Variants in FAM24B observed in about 807,000 individuals in gnomAD.
FAM24B encodes family with sequence similarity 24 member B.
Under a neutral mutation model 2.3 loss-of-function variants are expected in FAM24B, and 3 were observed. The ratio of observed to expected loss-of-function variants is 1.29; its 90% CI spans 0.59 to 3.32. The LOEUF is 3.32. Ranked by LOEUF, FAM24B falls within the 30% of genes most tolerant of loss-of-function variation. The probability of loss-of-function intolerance (pLI) is 0.03; values close to 1 mark genes in which losing one functional copy is unlikely to be tolerated. For missense variants in FAM24B, 98 were observed against 117.2 expected (o/e 0.84, Z 0.76); for synonymous variants, 36 against 46.3 (o/e 0.78, Z 0.90).
At chr10:122,874,579 CCTT>C (rs1188394579) in intron 1 of FAM24B, among the ~76,000 whole-genome samples, 1 of 152,034 alleles carries the variant, frequency 6.6e-6, no homozygotes, top group Non-Finnish European at 1.5e-5. Context: ...CACTCCAGTC[CCTT>C]CTTGCTTGGT....
chr10:122,859,423 A>T (rs374884352), intron 1 of FAM24B, among the ~76,000 whole-genome samples: 1 of 152,174 alleles, frequency 6.6e-6, no homozygotes, highest in Admixed American at 6.5e-5. Flanking sequence ...CAGAGAAGAG[A>T]AGATGGTGAG....
intron 1 of FAM24B, among the ~76,000 whole-genome samples, chr10:122,878,476 G>A (rs958717926): frequency 3.4e-5 from 5 of 148,318 alleles, no homozygotes; most frequent in African/African-American, 5.0e-5. Flanking sequence ...GAAGTTGCAG[G>A]AGCCGAGATC....
intron 1 of FAM24B, among the ~76,000 whole-genome samples, chr10:122,876,999 C>A (rs750469056): frequency 2.0e-5 from 3 of 152,090 alleles, no homozygotes; most frequent in Non-Finnish European, 4.4e-5. Flanking sequence ...CTAAATTCTA[C>A]AAGTTATATA....
intron 1 of FAM24B, among the ~76,000 whole-genome samples, chr10:122,858,259 T>A (rs1336135965): frequency 6.6e-6 from 1 of 152,116 alleles, no homozygotes; most frequent in Non-Finnish European, 1.5e-5. Context: ...TGTAGGGACA[T>A]GGATGAAGCT....
At chr10:122,857,046 A>C (rs895231277) in intron 1 of FAM24B, among the ~76,000 whole-genome samples, 6 of 152,204 alleles carry the variant, frequency 3.9e-5, no homozygotes, top group Non-Finnish European at 7.3e-5. Flanking sequence ...AATGGCCCAA[A>C]GCCACTCTCA....
rs932821247 is a variant in FAM24B at position 122,863,567 on chromosome 10, A to C, written c.-177-7781T>G. Among the ~76,000 whole-genome samples the C allele has an allele frequency of 3.3e-5, 5 of 152,212 alleles. No individual in the cohort carries two copies. The East Asian group carries it at 9.6e-4, about 29-fold the overall frequency. On this transcript the variant is annotated intron_variant, in intron 1 of 3. Coordinates refer to ENST00000368898, the MANE Select transcript of FAM24B (RefSeq NM_152644.3). ...TTTATTTTTAAATTGAGTAGATAGGACAGAATTCCCATATGTCCCTCTCCC... is the reference window on the plus strand; with the variant it reads ...TTTATTTTTAAATTGAGTAGATAGGCCAGAATTCCCATATGTCCCTCTCCC...
intron 1 of FAM24B, among the ~76,000 whole-genome samples, chr10:122,870,481 CA>C (rs1388747164): frequency 6.6e-6 from 1 of 151,984 alleles, no homozygotes; most frequent in Non-Finnish European, 1.5e-5. Context: ...GAGACACAAC[CA>C]AAAAAGAGAA....
intron 3 of FAM24B, 120 bp from the exon 4 acceptor site, chr10:122,849,559 C>T: frequency 1.8e-5 from 15 of 821,596 alleles, no homozygotes; most frequent in Non-Finnish European, 2.6e-5. Flanking sequence ...TGAACACCAG[C>T]CCTACATTAA....
intron 1 of FAM24B, among the ~76,000 whole-genome samples, chr10:122,860,832 T>C (rs1176653465): frequency 6.6e-6 from 1 of 152,226 alleles, no homozygotes; most frequent in African/African-American, 2.4e-5. Context: ...GATAACTTCC[T>C]TGATAAAGTA....
chr10:122,850,914 T>G (rs1174023642), intron 2 of FAM24B: 3 of 187,570 alleles, frequency 1.6e-5, no homozygotes, highest in African/African-American at 7.0e-5. Flanking sequence ...CTGGGCCTCC[T>G]GAGCTATACT....
chr10:122,858,697 C>A (rs1847679749), intron 1 of FAM24B, among the ~76,000 whole-genome samples: 1 of 152,090 alleles, frequency 6.6e-6, no homozygotes, highest in Admixed American at 6.5e-5. Flanking sequence ...TGGGGAAAGA[C>A]CACAGAGAGT....
chr10:122,879,324 G>C (rs917611391), intron 1 of FAM24B, among the ~76,000 whole-genome samples, 161 bp downstream of exon 1: 1 of 152,242 alleles, frequency 6.6e-6, no homozygotes, highest in Non-Finnish European at 1.5e-5. Context: ...AGAGTTCGGA[G>C]TAAAATTAAC....
rs1261868323 is a variant in FAM24B at position 122,855,048 on chromosome 10, C to T, written c.-36+597G>A. On this transcript the variant is annotated intron_variant, in intron 2 of 3. Transcript: ENST00000368898. Reference sequence around the variant, plus strand: ...CCGCTCCCGGGAAACTTATCTTTACCTTCAGACTCTTGGTGCAGATGGGGA... The same window carrying T: ...CCGCTCCCGGGAAACTTATCTTTACTTTCAGACTCTTGGTGCAGATGGGGA... Among the ~76,000 whole-genome samples the T allele has an allele frequency of 5.9e-5, 9 of 152,332 alleles. No homozygotes were observed. In the East Asian group the frequency reaches 1.7e-3, roughly 29 times the overall value.
chr10:122,878,690 A>G (rs1438384640), intron 1 of FAM24B, among the ~76,000 whole-genome samples: 2 of 151,912 alleles, frequency 1.3e-5, no homozygotes, highest in Non-Finnish European at 2.9e-5. Context: ...GTTCCGATGA[A>G]AGCTAGTATT....
At chr10:122,870,196 A>T (rs112190961) in intron 1 of FAM24B, among the ~76,000 whole-genome samples, 5,084 of 152,230 alleles carry the variant, frequency 0.033, 173 homozygotes, top group African/African-American at 0.085. Context: ...AAGAAATGGA[A>T]AAATTCCTCG....
At chr10:122,878,073 C>CAA (rs776536780) in intron 1 of FAM24B, among the ~76,000 whole-genome samples, 22 of 152,272 alleles carry the variant, frequency 1.4e-4, no homozygotes, top group South Asian at 4.1e-4. Flanking sequence ...AAATTACTGA[C>CAA]AAATTCTCTC....
rs141756767 is a variant in FAM24B at position 122,850,432 on chromosome 10, G to C, written c.84C>G (p.Asn28Lys). 10 of 1,613,488 alleles carry C rather than the reference G, an allele frequency of 6.2e-6. No homozygotes were observed. The highest frequency in any genetic ancestry group is 1.7e-5 in the Admixed American group (1 of 59,996). Residue 28 changes from asparagine (N) to lysine (K), a missense_variant, in exon 3 of 4, where the codon AAC (asparagine) becomes AAG (lysine). Transcript: ENST00000368898. ...TTGAACTTGTGACTCACTTTAGCGC[G>C]TTGTGTATTTTGAAGTAAAGACAGA... is the stretch of plus-strand genomic sequence containing the variant. ...VVLCLYFKIH[N>K]ALKAAKEPEA... is the part of the protein sequence containing the mutation.
chr10:122,878,929 G>A (rs772431659), intron 1 of FAM24B, among the ~76,000 whole-genome samples: 1 of 152,074 alleles, frequency 6.6e-6, no homozygotes, highest in Non-Finnish European at 1.5e-5. Context: ...TTTTCCTTTA[G>A]ACTGTCCAAT....
intron 1 of FAM24B, among the ~76,000 whole-genome samples, chr10:122,866,092 G>A (rs958413881): frequency 2.6e-5 from 4 of 151,802 alleles, no homozygotes; most frequent in Admixed American, 6.6e-5. Flanking sequence ...AGTAGAGATG[G>A]GGTTTCACCA....
Sources: gnomAD v4.1 joint callset for allele counts (sites outside exome capture counted in the v4.1 genomes callset) on GRCh38, gnomAD v4.1.1 for gene constraint, MANE v1.5 for transcripts, NCBI Gene and HGNC (gene_info 2026-07-23, HGNC 2026-07-21) for gene names.